The following ZNF407 variants were observed in gnomAD, a reference collection of about 807,000 sequenced individuals.
ZNF407 encodes the protein zinc finger protein 407.
Under a neutral mutation model 131.2 loss-of-function variants are expected in ZNF407, and 17 were observed. The observed-to-expected ratio is 0.13, with a 90% CI of 0.09 to 0.19. The LOEUF is 0.19. Ranked by LOEUF, ZNF407 falls within the 10% of genes least tolerant of loss-of-function variation. ZNF407 has a pLI of 1.00. For missense variants in ZNF407, 2,681 were observed against 2,830.6 expected, an observed-to-expected ratio of 0.95 and a Z score of 1.20; for synonymous variants, 1,156 against 1,062.0, an observed-to-expected ratio of 1.09 and a Z score of -1.72.
intron 3 of ZNF407, among the ~76,000 whole-genome samples, chr18:74,746,512 A>G (rs1047754763): frequency 6.6e-6 from 1 of 152,162 alleles, no homozygotes; most frequent in African/African-American, 2.4e-5. Context: ...TCTTATATCC[A>G]TATAAGAATG....
intron 7 of ZNF407, among the ~76,000 whole-genome samples, chr18:74,895,698 G>A (rs890011922): frequency 1.3e-5 from 2 of 152,020 alleles, no homozygotes; most frequent in Non-Finnish European, 2.9e-5. Flanking sequence ...CAGTTTTCTT[G>A]TATAAACACT....
At chr18:74,926,211 T>G (rs751056591) in intron 8 of ZNF407, among the ~76,000 whole-genome samples, 1 of 152,232 alleles carries the variant, frequency 6.6e-6, no homozygotes, top group Non-Finnish European at 1.5e-5. Flanking sequence ...GGTATTTTGA[T>G]AGCTGATGTT....
intron 4 of ZNF407, chr18:74,803,826 T>A: frequency 1.2e-6 from 1 of 857,304 alleles, no homozygotes; most frequent in South Asian, 1.9e-5. Flanking sequence ...AATGTGGTTT[T>A]TATCAATATT....
chr18:74,851,554 G>A (rs1025152148), intron 4 of ZNF407, among the ~76,000 whole-genome samples: 2 of 152,348 alleles, frequency 1.3e-5, no homozygotes, highest in African/African-American at 4.8e-5. Flanking sequence ...TGCGTGAGGT[G>A]TGGAGCATGG....
At chr18:74,891,007 G>A (rs1333039772) in intron 7 of ZNF407, among the ~76,000 whole-genome samples, 1 of 152,218 alleles carries the variant, frequency 6.6e-6, no homozygotes, top group Non-Finnish European at 1.5e-5. Flanking sequence ...CCAGGTAGCA[G>A]AGTTACCTAG....
At chr18:74,763,690 T>C (rs1192600849) in intron 3 of ZNF407, among the ~76,000 whole-genome samples, 2 of 149,978 alleles carry the variant, frequency 1.3e-5, no homozygotes, top group African/African-American at 4.9e-5. Context: ...AAATCTGTTG[T>C]CATTCTTATC....
chr18:75,002,476 C>T (rs1276344031), intron 8 of ZNF407, among the ~76,000 whole-genome samples: 1 of 152,116 alleles, frequency 6.6e-6, no homozygotes, highest in African/African-American at 2.4e-5. Flanking sequence ...GATGACTCAG[C>T]CAGACTCTAA....
chr18:74,832,721 C>T (rs934445026), intron 4 of ZNF407, among the ~76,000 whole-genome samples: 1 of 152,150 alleles, frequency 6.6e-6, no homozygotes, highest in Non-Finnish European at 1.5e-5. Context: ...TTCTTCTAAA[C>T]TTTCATCAAT....
chr18:74,754,032 C>T (rs536346), intron 3 of ZNF407, among the ~76,000 whole-genome samples: 150,380 of 152,282 alleles, frequency 0.99, 74,290 homozygotes, highest in Middle Eastern at 1. Flanking sequence ...GAGCCTGTTA[C>T]TGGTCTATTC....
chr18:74,974,394 A>T (rs1410288896), intron 8 of ZNF407, among the ~76,000 whole-genome samples: 1 of 152,244 alleles, frequency 6.6e-6, no homozygotes, highest in Admixed American at 6.5e-5. Context: ...AAATAACAGG[A>T]GGATCTTCAA....
chr18:75,053,925 C>T (rs1302825079), intron 8 of ZNF407, among the ~76,000 whole-genome samples: 3 of 152,242 alleles, frequency 2.0e-5, no homozygotes, highest in Non-Finnish European at 4.4e-5. Context: ...GCTTCCCCCG[C>T]ACCTGGCAGC....
intron 3 of ZNF407, among the ~76,000 whole-genome samples, chr18:74,759,291 T>C (rs1224130537): frequency 1.3e-5 from 2 of 152,194 alleles, no homozygotes; most frequent in Non-Finnish European, 2.9e-5. Context: ...GTTTAGCATT[T>C]GACAGTTTGA....
intron 3 of ZNF407, among the ~76,000 whole-genome samples, chr18:74,766,049 GTGTGTGTCTGTGTC>G (rs1969224569): frequency 1.4e-5 from 2 of 146,668 alleles, no homozygotes; most frequent in African/African-American, 5.1e-5. Flanking sequence ...GTGTGTGTGT[GTGTGTGTCTGTGTC>G]TGTGTGTCTG....
At chr18:74,760,891 A>G (rs1969080222) in intron 3 of ZNF407, among the ~76,000 whole-genome samples, 1 of 152,172 alleles carries the variant, frequency 6.6e-6, no homozygotes, top group Non-Finnish European at 1.5e-5. Flanking sequence ...GGTTTTCTTG[A>G]ATAGTCTTCA....
At chr18:74,762,066 T>C (rs1050090019) in intron 3 of ZNF407, among the ~76,000 whole-genome samples, 4 of 152,086 alleles carry the variant, frequency 2.6e-5, no homozygotes, top group Non-Finnish European at 5.9e-5. Flanking sequence ...AGTTACCTTT[T>C]TGCTCTGAAA....
intron 3 of ZNF407, among the ~76,000 whole-genome samples, chr18:74,688,344 C>G (rs1453344758): frequency 6.6e-6 from 1 of 152,168 alleles, no homozygotes; most frequent in Non-Finnish European, 1.5e-5. Context: ...TATAAGATAT[C>G]TCTCTGGATG....
In ZNF407 at chr18:74,648,263, G is replaced by A. The variant is rs111953416; in HGVS notation, c.4802+7141G>A. Among the ~76,000 whole-genome samples the A allele has an allele frequency of 7.8e-3, 1,192 of 152,238 alleles. 9 individuals carry two copies. Among genetic ancestry groups the A allele is most frequent in the Middle Eastern group, 0.051 (15 of 294 alleles). On this transcript the variant is annotated intron_variant, in intron 3 of 8. Transcript: ENST00000299687. ...GATTAGCAGGGGCAGCCCATTCCAG[G>A]CGGGGGTTGCAGCAGGATCAACCAT... is the stretch of plus-strand genomic sequence containing the variant.
intron 3 of ZNF407, among the ~76,000 whole-genome samples, chr18:74,656,219 AC>A (rs1451862024): frequency 1.3e-5 from 2 of 152,138 alleles, no homozygotes; most frequent in Admixed American, 1.3e-4. Context: ...CAAAGGACTT[AC>A]AATTCAAAAC....
intron 8 of ZNF407, among the ~76,000 whole-genome samples, chr18:74,931,327 A>C (rs750575631): frequency 4.6e-5 from 7 of 152,250 alleles, no homozygotes; most frequent in Non-Finnish European, 1.0e-4. Context: ...TTGTATCCAG[A>C]ATATACATAA....
Sources: allele counts gnomAD v4.1 joint callset (sites outside exome capture counted in the v4.1 genomes callset), GRCh38; gene constraint gnomAD v4.1.1; transcripts MANE v1.5; gene names NCBI Gene and HGNC (gene_info 2026-07-23, HGNC 2026-07-21).